Variants in MS4A4A observed in about 807,000 individuals in gnomAD.
The protein encoded by MS4A4A is membrane spanning 4-domains A4A, also known as membrane-spanning 4-domains subfamily A member 4A.
A neutral mutation model predicts 28.0 loss-of-function variants in MS4A4A; 26 were observed. The ratio of observed to expected loss-of-function variants is 0.93; its 90% CI spans 0.68 to 1.29. The LOEUF (loss-of-function observed/expected upper bound fraction) is 1.29. MS4A4A is among the 50% of genes most tolerant of loss of function. MS4A4A has a pLI of 0.00. For missense variants in MS4A4A, 290 were observed against 293.1 expected (o/e 0.99, Z 0.08); for synonymous variants, 86 against 100.8 (o/e 0.85, Z 0.88).
chr11:60,294,892 A>ACTACTTCTTCTTCTTCTTCTT lies in MS4A4A; in HGVS notation c.202-2303_202-2302insACTTCTTCTTCTTCTTCTTCT, dbSNP rs60374079. On this transcript the variant is annotated intron_variant, in intron 2 of 6. Transcript: ENST00000337908. ...GGGTAGTGTTAGTCCTACAACTACT[A>ACTACTTCTTCTTCTTCTTCTT]CTTCTTCTTCTTCTTCTTCTTCTTC... Among the ~76,000 whole-genome samples, 296 of 130,928 alleles carry ACTACTTCTTCTTCTTCTTCTT rather than the reference A, an allele frequency of 2.3e-3. 1 individual carries two copies. The highest frequency in any genetic ancestry group is 8.1e-3 in the Middle Eastern group (2 of 248). The allele number at this position is 130,928 out of a possible 152,430, so 85.9% of individuals were successfully genotyped here. A position where few individuals can be genotyped will look rare whatever the true frequency, so the allele number is the denominator to read the frequency against.
chr11:60,285,275 G>A (rs966207541), intron 1 of MS4A4A, among the ~76,000 whole-genome samples: 4 of 152,122 alleles, frequency 2.6e-5, no homozygotes, highest in African/African-American at 9.7e-5. Context: ...ATGCTGAGAC[G>A]GGAAGATCAC....
chr11:60,290,209 C>G (rs2084842477), intron 1 of MS4A4A: 1 of 331,138 alleles, frequency 3.0e-6, no homozygotes, highest in South Asian at 2.5e-5. Flanking sequence ...TGACAGTTAT[C>G]AACTGATGTA....
At chr11:60,300,473 C>G (rs1432891584) in intron 3 of MS4A4A, among the ~76,000 whole-genome samples, 5 of 151,838 alleles carry the variant, frequency 3.3e-5, no homozygotes, top group Non-Finnish European at 4.4e-5. Flanking sequence ...AAAATTAGCC[C>G]AGCGTAGTGG....
chr11:60,296,032 T>G (rs2084902647), intron 2 of MS4A4A, among the ~76,000 whole-genome samples: 2 of 152,114 alleles, frequency 1.3e-5, no homozygotes, highest in South Asian at 2.1e-4. Context: ...GTCCTCTGTT[T>G]CTATTTTCTG....
chr11:60,280,817 C>T, intron 1 of MS4A4A, 101 bp downstream of exon 1: 2 of 1,386,956 alleles, frequency 1.4e-6, no homozygotes, highest in Non-Finnish European at 1.0e-6. Context: ...ATAATGAGGC[C>T]ACTTCCCATG....
chr11:60,308,170 G>A lies in MS4A4A; in HGVS notation c.712G>A (p.Glu238Lys). The A allele has an allele frequency of 6.2e-7, 1 of 1,613,868 alleles. No homozygotes were observed. The highest frequency in any genetic ancestry group is 8.5e-7 in the Non-Finnish European group (1 of 1,179,808). ...AACAGCATCTCCCACACCACTTAAT[G>A]AGGTTTGAGGCCACCAAAAGATCAA... is the stretch of plus-strand genomic sequence containing the variant. ...AETASPTPLN[E>K]V Residue 238 changes from glutamate (E) to lysine (K), a missense_variant, in exon 7 of 7, where the codon GAG (glutamate) becomes AAG (lysine). Glu to Lys is a moderately conservative substitution (Grantham distance 56). Coordinates refer to ENST00000337908, the MANE Select transcript of MS4A4A (RefSeq NM_148975.3).
Position 60,308,226 on chromosome 11 carries a change from T to C in MS4A4A, c.*48T>C. On this transcript the variant is annotated 3_prime_UTR_variant, in exon 7 of 7. Coordinates refer to ENST00000337908, the MANE Select transcript of MS4A4A (RefSeq NM_148975.3). Reference sequence around the variant, plus strand: ...AAATGCTCCAGAAATCTATGCTGACTGTGACACAAGAGCCTCACATGAGAA... The same window carrying C: ...AAATGCTCCAGAAATCTATGCTGACCGTGACACAAGAGCCTCACATGAGAA... The C allele has an allele frequency of 1.3e-6, 2 of 1,564,314 alleles. No individual in the cohort carries two copies. Among genetic ancestry groups the C allele is most frequent in the Non-Finnish European group, 1.8e-6 (2 of 1,135,658 alleles).
chr11:60,299,203 G>T (rs374478990), intron 3 of MS4A4A, among the ~76,000 whole-genome samples: 27 of 152,016 alleles, frequency 1.8e-4, no homozygotes, highest in African/African-American at 6.5e-4. Context: ...GTAATTTTTA[G>T]TTCACGTTCT....
chr11:60,301,097 G>A lies in MS4A4A; in HGVS notation c.387+40G>A, dbSNP rs781365824. 7.5e-6 allele frequency: 11 copies of A among 1,458,420 alleles called. No individual in the cohort carries two copies. The African/African-American group carries it at 8.6e-5, about 11-fold the overall frequency. 90.3% of individuals were successfully genotyped at this position (1,458,420 alleles called of 1,614,324 possible). On this transcript the variant is annotated intron_variant, in intron 4 of 6. Coordinates refer to ENST00000337908, the MANE Select transcript of MS4A4A (RefSeq NM_148975.3). ...CTTTTTTTGGTATCAAAAAAAGGAA[G>A]GATTAATAAAAAATGTATTCTGCCA... is the stretch of plus-strand genomic sequence containing the variant.
chr11:60,292,507 T>G, intron 2 of MS4A4A, 123 bp downstream of exon 2: 1 of 1,002,118 alleles, frequency 1.0e-6, no homozygotes, highest in Non-Finnish European at 1.4e-6. Flanking sequence ...ACGTCAGTAA[T>G]TACTTTTCAG....
At chr11:60,285,937 C>T (rs2084799736) in intron 1 of MS4A4A, among the ~76,000 whole-genome samples, 1 of 152,130 alleles carries the variant, frequency 6.6e-6, no homozygotes, top group African/African-American at 2.4e-5. Flanking sequence ...TTTCCTAATC[C>T]TAGCAAGCCT....
rs200110121 is a variant in MS4A4A, at chr11:60,295,369, T to C, written c.202-1828T>C. Among the ~76,000 whole-genome samples the C allele has an allele frequency of 9.2e-5, 14 of 152,202 alleles. No homozygotes were observed. The East Asian group carries it at 2.7e-3, about 29-fold the overall frequency. The stretch of plus-strand genomic sequence containing the variant: ...AATCTTGTAAACCTAATATAATTGT[T>C]TGTTAGTTCCAGGAATTTTTGGTTG... On this transcript the variant is annotated intron_variant, in intron 2 of 6. Coordinates refer to ENST00000337908, the MANE Select transcript of MS4A4A (RefSeq NM_148975.3).
At chr11:60,292,094 T>C in intron 1 of MS4A4A, 131 bp from the exon 2 acceptor site, 1 of 1,160,468 alleles carries the variant, frequency 8.6e-7, no homozygotes, top group South Asian at 2.1e-5. Flanking sequence ...CTTCCCCAGC[T>C]CTAACAGCTA....
chr11:60,291,570 C>G (rs575109336), intron 1 of MS4A4A, among the ~76,000 whole-genome samples: 1 of 151,880 alleles, frequency 6.6e-6, no homozygotes, highest in Non-Finnish European at 1.5e-5. Context: ...GAGGCCGAGG[C>G]GGGCGGATCA....
At chr11:60,296,433 T>C (rs1455230748) in intron 2 of MS4A4A, among the ~76,000 whole-genome samples, 1 of 152,048 alleles carries the variant, frequency 6.6e-6, no homozygotes, top group African/African-American at 2.4e-5. Context: ...TGGATTTTAT[T>C]GATTTTGTTT....
At chr11:60,296,809 T>C in intron 2 of MS4A4A, 1 of 259,092 alleles carries the variant, frequency 3.9e-6, no homozygotes, top group Non-Finnish European at 7.5e-6. Context: ...TCTTCCCTTG[T>C]ATATACTCTC....
intron 1 of MS4A4A, among the ~76,000 whole-genome samples, chr11:60,286,667 T>G (rs2084806199): frequency 6.6e-6 from 1 of 152,172 alleles, no homozygotes; most frequent in Non-Finnish European, 1.5e-5. Flanking sequence ...GTTTTTGACT[T>G]GAAGTTTATT....
chr11:60,298,446 C>T (rs975005656), intron 3 of MS4A4A, among the ~76,000 whole-genome samples: 8 of 152,198 alleles, frequency 5.3e-5, no homozygotes, highest in Non-Finnish European at 4.4e-5. Flanking sequence ...CCAATAACAG[C>T]TCTTATTAAA....
chr11:60,303,915 T>C (rs1165041547), intron 5 of MS4A4A, among the ~76,000 whole-genome samples: 5 of 152,232 alleles, frequency 3.3e-5, no homozygotes, highest in African/African-American at 1.2e-4. Flanking sequence ...TAGCTAATTC[T>C]ACATAGTTTT....
Sources: gnomAD v4.1 joint callset for allele counts (sites outside exome capture counted in the v4.1 genomes callset) on GRCh38, gnomAD v4.1.1 for gene constraint, MANE v1.5 for transcripts, NCBI Gene and HGNC (gene_info 2026-07-23, HGNC 2026-07-21) for gene names.